Variants in COL26A1 observed in about 807,000 individuals in gnomAD.
COL26A1 encodes collagen type XXVI alpha 1 chain.
Under a neutral mutation model 59.3 loss-of-function variants are expected in COL26A1, and 41 were observed. The observed-to-expected ratio is 0.69, with a 90% CI of 0.54 to 0.90. The LOEUF (loss-of-function observed/expected upper bound fraction) is 0.90. Among genes scored for constraint, COL26A1 ranks in the 40% least tolerant of loss-of-function variants. The pLI, the probability that COL26A1 is intolerant of heterozygous loss-of-function variation, is 0.00. For missense variants in COL26A1, 612 were observed against 602.3 expected (o/e 1.02, Z -0.17); for synonymous variants, 266 against 256.0 (o/e 1.04, Z -0.37).
At chr7:101,543,606 T>G (rs1431764120) in intron 5 of COL26A1, among the ~76,000 whole-genome samples, 1 of 152,074 alleles carries the variant, frequency 6.6e-6, no homozygotes, top group Non-Finnish European at 1.5e-5. Flanking sequence ...GGAGGCCACC[T>G]GTTGGGGAGC....
intron 3 of COL26A1, among the ~76,000 whole-genome samples, chr7:101,509,719 A>G (rs117501810): frequency 0.024 from 3,705 of 151,868 alleles, 60 homozygotes; most frequent in South Asian, 0.036. Flanking sequence ...GGCCTCTTTC[A>G]GCACTGGGGG....
chr7:101,369,680 T>C (rs1302749208), intron 1 of COL26A1, among the ~76,000 whole-genome samples: 2 of 151,746 alleles, frequency 1.3e-5, no homozygotes, highest in African/African-American at 4.8e-5. Context: ...TTCTGTACAG[T>C]GTGAGTGACT....
chr7:101,557,530 A>T lies in COL26A1; in HGVS notation c.1326A>T (p.Ter442CysextTer19), dbSNP rs1796009816. The T allele has an allele frequency of 6.2e-7, 1 of 1,605,140 alleles. No homozygotes were observed. Among genetic ancestry groups the T allele is most frequent in the African/African-American group, 1.3e-5 (1 of 74,814 alleles). ...TGGACCAGGCCAGCAGCAGGAAGTG[A>T]GAGCCCACTGCTCCAGGACACCCTG... ...KSVDQASSRK[*>C] Residue 442 changes from the stop codon to cysteine, a stop_lost, in exon 13 of 13, where the codon TGA (stop) becomes TGT (cysteine). Transcript: ENST00000313669.
intron 1 of COL26A1, among the ~76,000 whole-genome samples, chr7:101,389,612 A>G (rs1314530817): frequency 1.3e-5 from 2 of 151,544 alleles, no homozygotes; most frequent in African/African-American, 4.9e-5. Flanking sequence ...CTGGAGTGCA[A>G]TGGCGCGATC....
intron 1 of COL26A1, among the ~76,000 whole-genome samples, chr7:101,364,862 G>C (rs938490412): frequency 6.6e-6 from 1 of 152,156 alleles, no homozygotes; most frequent in East Asian, 1.9e-4. Context: ...GAGCCACCAC[G>C]CCAGGCCCAG....
intron 3 of COL26A1, among the ~76,000 whole-genome samples, chr7:101,501,413 G>A (rs1563015042): frequency 6.6e-6 from 1 of 151,974 alleles, no homozygotes; most frequent in South Asian, 2.1e-4. Flanking sequence ...CCACAGCAGT[G>A]GTGGGGCAAG....
In COL26A1 at chr7:101,380,807, T is replaced by G. The variant is rs548341503; in HGVS notation, c.158+17617T>G. Among the ~76,000 whole-genome samples, 11 of 152,304 alleles carry G rather than the reference T, an allele frequency of 7.2e-5. 1 individual carries two copies. The South Asian group carries it at 2.3e-3, about 32-fold the overall frequency. On this transcript the variant is annotated intron_variant, in intron 1 of 12. Transcript: ENST00000313669. ...AATATCAGGTTCCTTTGTTAAAAGC[T>G]CTTAGAGCTAGCTCTCTAACTTAGA...
intron 3 of COL26A1, among the ~76,000 whole-genome samples, chr7:101,502,684 G>A (rs1431958934): frequency 6.6e-6 from 1 of 152,232 alleles, no homozygotes; most frequent in Non-Finnish European, 1.5e-5. Flanking sequence ...TGGGAGGGTG[G>A]CTGGATTGGG....
chr7:101,453,555 C>A (rs1793396470), intron 3 of COL26A1, among the ~76,000 whole-genome samples: 1 of 152,148 alleles, frequency 6.6e-6, no homozygotes, highest in African/African-American at 2.4e-5. Context: ...GGTGGAGAAG[C>A]CTTCTGGGCT....
intron 2 of COL26A1, among the ~76,000 whole-genome samples, chr7:101,428,599 T>C (rs1242265882): frequency 6.6e-6 from 1 of 152,050 alleles, no homozygotes; most frequent in East Asian, 1.9e-4. Context: ...TGTAAATATA[T>C]TTTTGTGCAT....
intron 3 of COL26A1, among the ~76,000 whole-genome samples, chr7:101,494,508 G>A (rs1341992083): frequency 1.3e-5 from 2 of 152,228 alleles, no homozygotes; most frequent in Non-Finnish European, 2.9e-5. Flanking sequence ...AAGTAAAGGC[G>A]TAGTTCTATT....
chr7:101,539,809 T>C, intron 4 of COL26A1, 84 bp from the exon 5 acceptor site: 2 of 1,357,314 alleles, frequency 1.5e-6, no homozygotes, highest in Non-Finnish European at 1.0e-6. Flanking sequence ...TCTCATGGGG[T>C]GCACATGCAT....
chr7:101,369,504 A>G (rs1791134158), intron 1 of COL26A1, among the ~76,000 whole-genome samples: 1 of 121,966 alleles, frequency 8.2e-6, no homozygotes, highest in Admixed American at 9.8e-5. Context: ...GCTGGAGTGC[A>G]GTGGCGCAAT....
At chr7:101,502,037 T>C (rs1479470978) in intron 3 of COL26A1, among the ~76,000 whole-genome samples, 1 of 152,192 alleles carries the variant, frequency 6.6e-6, no homozygotes, top group Non-Finnish European at 1.5e-5. Flanking sequence ...CCAGGCTCCC[T>C]AGAAAAATCT....
intron 1 of COL26A1, among the ~76,000 whole-genome samples, chr7:101,411,038 TGTG>T (rs1792230495): frequency 6.6e-6 from 1 of 151,902 alleles, no homozygotes; most frequent in South Asian, 2.1e-4. Context: ...TGAGGGCAGG[TGTG>T]GTGCTGGGGA....
chr7:101,367,986 TG>T (rs34227918), intron 1 of COL26A1, among the ~76,000 whole-genome samples: 87,973 of 151,846 alleles, frequency 0.58, 27,044 homozygotes, highest in African/African-American at 0.8. Flanking sequence ...TCTCCTCCAC[TG>T]TCTCCCTTCT....
intron 3 of COL26A1, among the ~76,000 whole-genome samples, chr7:101,474,000 A>T (rs1438394896): frequency 1.3e-5 from 2 of 152,216 alleles, no homozygotes; most frequent in African/African-American, 2.4e-5. Context: ...GGCTGCTTGA[A>T]TGTGTCTGGT....
At chr7:101,490,179 G>A (rs1217315085) in intron 3 of COL26A1, among the ~76,000 whole-genome samples, 4 of 151,484 alleles carry the variant, frequency 2.6e-5, no homozygotes, top group African/African-American at 9.7e-5. Context: ...CTCGTGATCT[G>A]CCCGCCTCGG....
intron 3 of COL26A1, among the ~76,000 whole-genome samples, chr7:101,515,622 T>C (rs752579422): frequency 6.6e-6 from 1 of 151,054 alleles, no homozygotes; most frequent in Non-Finnish European, 1.5e-5. Flanking sequence ...AGTCTCTTTC[T>C]GTCACCCAGG....
Sources: gnomAD v4.1 joint callset for allele counts (sites outside exome capture counted in the v4.1 genomes callset) on GRCh38, gnomAD v4.1.1 for gene constraint, MANE v1.5 for transcripts, NCBI Gene and HGNC (gene_info 2026-07-23, HGNC 2026-07-21) for gene names.